The following INTS10 variants were observed in gnomAD, a reference collection of about 807,000 sequenced individuals.
INTS10 encodes chromosome 8 open reading frame 35.
INTS10 carries 44 observed loss-of-function variants against 94.4 expected under a neutral mutation model. The observed-to-expected ratio is 0.47, with a 90% confidence interval of 0.37 to 0.60. The LOEUF is 0.60. Among genes scored for constraint, INTS10 ranks in the 20% least tolerant of loss-of-function variants. The pLI is 0.00. For missense variants in INTS10, 797 were observed against 868.7 expected, an observed-to-expected ratio of 0.92 and a Z score of 1.04; for synonymous variants, 341 against 320.7, an observed-to-expected ratio of 1.06 and a Z score of -0.68.
intron 6 of INTS10, 119 bp downstream of exon 6, chr8:19,823,560 A>C (rs2066556005): frequency 1.1e-5 from 8 of 750,278 alleles, no homozygotes; most frequent in Non-Finnish European, 1.1e-5. Flanking sequence ...GGAGTGTTTC[A>C]AAAGATGGTA....
Position 19,837,097 on chromosome 8 carries a change from C to T in INTS10, c.1576C>T (p.Pro526Ser). The change falls in exon 13 of 17, where the codon CCC (proline) becomes TCC (serine). Residue 526 changes from proline (P) to serine (S), a missense_variant. This residue lies in a region of INTS10 where 734 missense variants were observed against 787.8 expected (regional missense o/e 0.93). Transcript: ENST00000397977. ...TGATTTGATGTGCTACATGGTACTC[C>T]CCATTCAAGATGGAGGCAAATCCCA... ...VLDLMCYMVLPIQDGGKSQEE... is the reference protein window; with the variant it reads ...VLDLMCYMVLSIQDGGKSQEE... 1 of 1,613,864 alleles carries T rather than the reference C, an allele frequency of 6.2e-7. No homozygotes were observed. Among genetic ancestry groups the T allele is most frequent in the Middle Eastern group, 1.7e-4 (1 of 6,060 alleles).
At chr8:19,847,562 G>A (rs1017974280) in intron 16 of INTS10, among the ~76,000 whole-genome samples, 3 of 152,200 alleles carry the variant, frequency 2.0e-5, no homozygotes, top group Non-Finnish European at 4.4e-5. Flanking sequence ...GACAGCCATA[G>A]TGGAACCGAA....
intron 10 of INTS10, among the ~76,000 whole-genome samples, chr8:19,831,449 G>A (rs1194707950): frequency 2.0e-5 from 3 of 152,184 alleles, no homozygotes; most frequent in African/African-American, 7.2e-5. Context: ...GCTTTGGGAA[G>A]CTGAGGCAGG....
At chr8:19,834,599 AAGAC>A (rs1179687334) in intron 12 of INTS10, among the ~76,000 whole-genome samples, 4 of 152,172 alleles carry the variant, frequency 2.6e-5, no homozygotes, top group African/African-American at 9.7e-5. Flanking sequence ...TAACTTAAAC[AAGAC>A]AGACTCATTT....
At position 19,820,476 on chromosome 8, in the gene INTS10, T is replaced by C. The variant is rs956655370; in HGVS notation, c.399T>C (p.Leu133=). The change falls in exon 4 of 17, where the codon CTT becomes CTC. Residue 133 remains leucine (L), a synonymous_variant. Coordinates refer to ENST00000397977, the MANE Select transcript of INTS10 (RefSeq NM_018142.4). ...FNTLERSEML[L]LLLRRFPETV... is the part of the protein sequence containing the mutation. ...CGTTAGAACGATCAGAAATGTTGCT[T>C]CTACTTTTGAGGCGCTTCCCTGAAA... 4.3e-6 allele frequency: 7 copies of C among 1,612,736 alleles called. No homozygotes were observed. In the East Asian group the frequency reaches 1.6e-4, roughly 36 times the overall value.
Position 19,830,416 on chromosome 8 carries a change from A to ATTT in INTS10, c.1152_1153insTTT (p.Asp384_Glu385insPhe). The ATTT allele has an allele frequency of 6.2e-7, 1 of 1,613,908 alleles. No homozygotes were observed. The highest frequency in any genetic ancestry group is 1.7e-5 in the Admixed American group (1 of 59,974). ...ACATTCTTTAAGCAGAGTTCAGACG[A>ATTT]TGAAGACTGTTCGGCGAAAGGAAGA... is the stretch of plus-strand genomic sequence containing the variant. On this transcript the variant is annotated inframe_insertion, in exon 10 of 17. Coordinates refer to ENST00000397977, the MANE Select transcript of INTS10 (RefSeq NM_018142.4).
intron 10 of INTS10, among the ~76,000 whole-genome samples, chr8:19,831,677 A>G (rs1460466391): frequency 6.6e-6 from 1 of 152,176 alleles, no homozygotes; most frequent in Non-Finnish European, 1.5e-5. Context: ...GGTGACAGGG[A>G]GAATGTCTCT....
At chr8:19,823,211 C>T (rs73204749) in intron 5 of INTS10, 90 bp from the exon 6 acceptor site, 66,767 of 971,152 alleles carry the variant, frequency 0.069, 2,574 homozygotes, top group Non-Finnish European at 0.077. Flanking sequence ...TTAGATACTA[C>T]ATCAAATGAA....
chr8:19,844,817 T>G (rs2068437561), intron 15 of INTS10, among the ~76,000 whole-genome samples: 1 of 152,224 alleles, frequency 6.6e-6, no homozygotes, highest in Admixed American at 6.5e-5. Flanking sequence ...ACTTCATTGT[T>G]TATCTTATTA....
intron 9 of INTS10, among the ~76,000 whole-genome samples, chr8:19,830,201 G>A (rs1291697488): frequency 6.6e-6 from 1 of 151,650 alleles, no homozygotes; most frequent in Non-Finnish European, 1.5e-5. Context: ...CTCAATTTTA[G>A]AAGTAAAAAT....
At position 19,851,097 on chromosome 8, in the gene INTS10, C is replaced by G. The variant is rs545848739; in HGVS notation, c.1977-552C>G. ...TGGGCACAGCATTTAGAGGAGCTGC[C>G]CTATTCTGGTGTCCTGGGGAGAGAG... is the stretch of plus-strand genomic sequence containing the variant. On this transcript the variant is annotated intron_variant, in intron 16 of 16. Coordinates refer to ENST00000397977, the MANE Select transcript of INTS10 (RefSeq NM_018142.4). The surrounding 1 kb of genome is among the most constrained non-coding windows in gnomAD (Gnocchi z 5.0). Among the ~76,000 whole-genome samples, 2 of 152,236 alleles carry G rather than the reference C, an allele frequency of 1.3e-5. No homozygotes were observed. The highest frequency in any genetic ancestry group is 4.8e-5 in the African/African-American group (2 of 41,542).
In INTS10 at chr8:19,837,259, G is replaced by A. The variant is rs144167558; in HGVS notation, c.1639+99G>A. On this transcript the variant is annotated intron_variant, in intron 13 of 16. Coordinates refer to ENST00000397977, the MANE Select transcript of INTS10 (RefSeq NM_018142.4). ...ATCTCAGCTACTCGGAAGTCGAGGC[G>A]GGAGGATAGCTTTTGAGCCCAGGAG... The A allele has an allele frequency of 6.1e-4, 471 of 773,742 alleles. 3 individuals are homozygous for A. Among genetic ancestry groups the A allele is most frequent in the African/African-American group, 6.0e-3 (350 of 58,458 alleles). The allele number at this position is 773,742 out of a possible 1,614,324, so 47.9% of individuals were successfully genotyped here.
At chr8:19,838,560 GA>G (rs2128794451) in intron 13 of INTS10, among the ~76,000 whole-genome samples, 1 of 152,242 alleles carries the variant, frequency 6.6e-6, no homozygotes, top group South Asian at 2.1e-4. Context: ...TCAGAAAATA[GA>G]GGAAGAGTCC....
At chr8:19,818,507 A>G in intron 2 of INTS10, 165 bp downstream of exon 2, 2 of 629,914 alleles carry the variant, frequency 3.2e-6, no homozygotes, top group Non-Finnish European at 2.8e-6. Flanking sequence ...AATTGCTGAC[A>G]TGGCTTTTGC....
At position 19,822,517 on chromosome 8, in the gene INTS10, T is replaced by C. The variant is rs1384343649; in HGVS notation, c.520T>C (p.Phe174Leu). Reference protein sequence around the residue: ...ESPVNCFRKLFVCDVLPLIIN... With the variant: ...ESPVNCFRKLLVCDVLPLIIN... ...TCCAGTGAACTGCTTTAGAAAATTATTTGGTAAGGAAAATTGTATTCTCTA... is the reference window on the plus strand; with the variant it reads ...TCCAGTGAACTGCTTTAGAAAATTACTTGGTAAGGAAAATTGTATTCTCTA... The change falls in exon 5 of 17, where the codon TTT becomes CTT. Residue 174 changes from phenylalanine (F) to leucine (L), a missense_variant. This residue lies in a region of INTS10 where 734 missense variants were observed against 787.8 expected (regional missense o/e 0.93). Transcript: ENST00000397977. The C allele has an allele frequency of 6.3e-7, 1 of 1,583,962 alleles. No individual in the cohort carries two copies. The highest frequency in any genetic ancestry group is 8.7e-7 in the Non-Finnish European group (1 of 1,153,012).
At position 19,820,167 on chromosome 8, in the gene INTS10, C is replaced by G. The variant is rs532966752; in HGVS notation, c.302-212C>G. On this transcript the variant is annotated intron_variant, in intron 3 of 16. Coordinates refer to ENST00000397977, the MANE Select transcript of INTS10 (RefSeq NM_018142.4). ...TACATCATTGTTTTTTGAATTTGAT[C>G]AGTCTTGCAAATATTTTACCATTAT... is the stretch of plus-strand genomic sequence containing the variant. Among the ~76,000 whole-genome samples the G allele has an allele frequency of 8.9e-5, 13 of 146,228 alleles. 1 individual carries two copies. In the South Asian group the frequency reaches 2.8e-3, roughly 32 times the overall value.
intron 9 of INTS10, 60 bp downstream of exon 9, chr8:19,826,619 C>G: frequency 6.7e-7 from 1 of 1,492,622 alleles, no homozygotes; most frequent in Non-Finnish European, 9.1e-7. Flanking sequence ...AGAGATGAAT[C>G]TTTGTAAAAT....
chr8:19,843,252 G>A lies in INTS10; in HGVS notation c.1719+325G>A, dbSNP rs1020927487. On this transcript the variant is annotated intron_variant, in intron 14 of 16. Transcript: ENST00000397977. The surrounding 1 kb of genome is among the most constrained non-coding windows in gnomAD (Gnocchi z 4.7). ...TACAAAGAAAGGGAATACAAATTGC[G>A]GTTAGGTTCATGGAGGGATGATGAG... 2.0e-5 allele frequency among the ~76,000 whole-genome samples: 3 copies of A among 152,142 alleles called. No homozygotes were observed. Among genetic ancestry groups the A allele is most frequent in the South Asian group, 2.1e-4 (1 of 4,826 alleles).
At chr8:19,836,951 G>T in intron 12 of INTS10, 101 bp from the exon 13 acceptor site, 2 of 748,640 alleles carry the variant, frequency 2.7e-6, no homozygotes, top group Non-Finnish European at 2.4e-6. Flanking sequence ...AGACTTCCAT[G>T]TACACATTGC....
Sources: allele counts gnomAD v4.1 joint callset (sites outside exome capture counted in the v4.1 genomes callset), GRCh38; gene constraint gnomAD v4.1.1; regional missense constraint gnomAD v4.1.1; non-coding constraint Gnocchi (gnomAD v3.1); transcripts MANE v1.5; gene names NCBI Gene and HGNC (gene_info 2026-07-23, HGNC 2026-07-21).